FNDC3A: variants seen among roughly 807,000 people sequenced by gnomAD.
The protein encoded by FNDC3A is fibronectin type-III domain-containing protein 3A.
Under a neutral mutation model 148.9 loss-of-function variants are expected in FNDC3A, and 32 were observed. That is an observed-to-expected ratio of 0.21 (90% CI 0.16 to 0.29). The LOEUF (loss-of-function observed/expected upper bound fraction) is 0.29, where lower values mean the gene tolerates loss of function less well. Ranked by LOEUF, FNDC3A falls within the 10% of genes least tolerant of loss-of-function variation. The pLI, the probability that FNDC3A is intolerant of heterozygous loss-of-function variation, is 1.00. For missense variants in FNDC3A, 1,191 were observed against 1,452.8 expected (o/e 0.82, Z 2.93); for synonymous variants, 472 against 473.6 (o/e 1.00, Z 0.04).
intron 1 of FNDC3A, among the ~76,000 whole-genome samples, chr13:48,980,454 A>G (rs1254246975): frequency 3.3e-5 from 5 of 152,168 alleles, no homozygotes; most frequent in African/African-American, 1.2e-4. Context: ...CTGTTATGGA[A>G]CAGTCTAATA....
chr13:49,045,361 C>T (rs1566211833), intron 2 of FNDC3A: 2 of 158,694 alleles, frequency 1.3e-5, no homozygotes, highest in Non-Finnish European at 2.7e-5. Flanking sequence ...ACCATGTTGC[C>T]CAGGTTGGTC....
At chr13:49,040,640 T>A (rs895863024) in intron 2 of FNDC3A, among the ~76,000 whole-genome samples, 2 of 152,218 alleles carry the variant, frequency 1.3e-5, no homozygotes, top group Non-Finnish European at 2.9e-5. Context: ...AGAGTATGGT[T>A]ATTTGTTTCT....
At chr13:48,998,859 G>A (rs1346592855) in intron 1 of FNDC3A, among the ~76,000 whole-genome samples, 1 of 152,208 alleles carries the variant, frequency 6.6e-6, no homozygotes, top group Non-Finnish European at 1.5e-5. Flanking sequence ...GCCAGGAATA[G>A]AGACTGAATT....
intron 1 of FNDC3A, among the ~76,000 whole-genome samples, chr13:48,983,825 T>C (rs1277507287): frequency 1.3e-5 from 2 of 152,086 alleles, no homozygotes; most frequent in African/African-American, 4.8e-5. Flanking sequence ...CATTAATAGA[T>C]AGGAACACAA....
chr13:49,188,594 T>A lies in FNDC3A; in HGVS notation c.1905T>A (p.Arg635=). Residue 635 remains arginine, a synonymous_variant, in exon 17 of 26, where the codon CGT becomes CGA. Coordinates refer to ENST00000492622, the MANE Select transcript of FNDC3A (RefSeq NM_001079673.2). ...GACTGAATCCAGGCTGTTTCTATCGTTTACGAGTTTACTGCATCAGTGATG... is the reference window on the plus strand; with the variant it reads ...GACTGAATCCAGGCTGTTTCTATCGATTACGAGTTTACTGCATCAGTGATG... ...CDRLNPGCFY[R]LRVYCISDGG... The A allele has an allele frequency of 1.9e-6, 3 of 1,613,372 alleles. No homozygotes were observed. Among genetic ancestry groups the A allele is most frequent in the Non-Finnish European group, 2.5e-6 (3 of 1,179,282 alleles).
At chr13:49,024,630 A>G (rs1019035388) in intron 2 of FNDC3A, among the ~76,000 whole-genome samples, 1 of 151,982 alleles carries the variant, frequency 6.6e-6, no homozygotes, top group Non-Finnish European at 1.5e-5. Flanking sequence ...GACAAGAACC[A>G]TAAAACCTCT....
At chr13:48,975,882 C>T (rs898437967), upstream of FNDC3A, 3 of 151,310 alleles carry the variant, frequency 2.0e-5, no homozygotes, top group Non-Finnish European at 3.0e-5. Context: ...CCCGCGCAGC[C>T]GCACTCGGCG....
Position 49,198,226 on chromosome 13 carries a change from G to C in FNDC3A, c.2735G>C (p.Ser912Thr), listed in dbSNP as rs779511866. 3.7e-6 allele frequency: 6 copies of C among 1,614,048 alleles called. No homozygotes were observed. Among genetic ancestry groups the C allele is most frequent in the African/African-American group, 1.3e-5 (1 of 75,020 alleles). Residue 912 changes from serine to threonine, a missense_variant, in exon 22 of 26, where the codon AGC (serine) becomes ACC (threonine). Physicochemically the swap from Ser to Thr is moderately conservative, Grantham distance 58. Transcript: ENST00000492622. ...KQSLTVGKVTSYIINNLQPDT... is the reference protein window; with the variant it reads ...KQSLTVGKVTTYIINNLQPDT... ...TCCCTAACAGTGGGAAAGGTTACAA[G>C]CTATATTATCAACAATTTGCAACCA...
At chr13:49,082,978 A>G (rs1159077561) in intron 3 of FNDC3A, among the ~76,000 whole-genome samples, 1 of 152,146 alleles carries the variant, frequency 6.6e-6, no homozygotes, top group African/African-American at 2.4e-5. Flanking sequence ...TAGGAGTCCC[A>G]GCATGGTCAG....
chr13:49,141,620 C>CA (rs1882693562), intron 7 of FNDC3A, among the ~76,000 whole-genome samples: 1 of 152,068 alleles, frequency 6.6e-6, no homozygotes, highest in Non-Finnish European at 1.5e-5. Context: ...CAGTCTTTGT[C>CA]AAAATTCATG....
intron 2 of FNDC3A, among the ~76,000 whole-genome samples, chr13:49,039,040 ATCT>A (rs1251755408): frequency 1.3e-5 from 2 of 152,134 alleles, no homozygotes; most frequent in Non-Finnish European, 2.9e-5. Context: ...TCTGGTGCAC[ATCT>A]TCTCATCTGA....
At chr13:49,151,938 A>G (rs1234102804) in intron 8 of FNDC3A, among the ~76,000 whole-genome samples, 1 of 152,208 alleles carries the variant, frequency 6.6e-6, no homozygotes, top group Non-Finnish European at 1.5e-5. Flanking sequence ...ATAGTATTCC[A>G]TGGTGAATAT....
chr13:49,203,409 T>C (rs1209685749), intron 25 of FNDC3A, 125 bp downstream of exon 25: 20 of 639,294 alleles, frequency 3.1e-5, no homozygotes, highest in Non-Finnish European at 5.0e-5. Context: ...GTATATATTA[T>C]GTTCCAGAGA....
intron 2 of FNDC3A, among the ~76,000 whole-genome samples, chr13:49,041,396 T>C (rs1200628393): frequency 1.3e-5 from 2 of 152,222 alleles, no homozygotes; most frequent in African/African-American, 2.4e-5. Context: ...ATCCCAATTA[T>C]CTAGCACAAA....
intron 1 of FNDC3A, among the ~76,000 whole-genome samples, chr13:49,003,130 A>G (rs1055380657): frequency 9.2e-5 from 14 of 152,220 alleles, no homozygotes; most frequent in African/African-American, 1.4e-4. Context: ...CAGTGGCATG[A>G]TCTCAGCTCA....
chr13:48,977,668 A>G (rs1449664329), intron 1 of FNDC3A, among the ~76,000 whole-genome samples: 3 of 152,222 alleles, frequency 2.0e-5, no homozygotes, highest in African/African-American at 7.2e-5. Flanking sequence ...CTTTTATGAA[A>G]TATAACCTGA....
intron 1 of FNDC3A, among the ~76,000 whole-genome samples, chr13:48,996,659 G>T (rs925711356): frequency 1.3e-5 from 2 of 152,176 alleles, no homozygotes; most frequent in African/African-American, 4.8e-5. Flanking sequence ...TCAATCCCCT[G>T]TAGAAACCAA....
intron 2 of FNDC3A, chr13:49,046,362 A>G (rs899354653): frequency 6.6e-5 from 12 of 181,884 alleles, no homozygotes; most frequent in South Asian, 4.2e-4. Context: ...GAAGTCTGTT[A>G]AAACTGGATT....
chr13:49,079,907 T>G (rs924083283), intron 3 of FNDC3A, among the ~76,000 whole-genome samples: 3 of 152,124 alleles, frequency 2.0e-5, no homozygotes, highest in African/African-American at 7.2e-5. Context: ...CTCAAACTCC[T>G]GGGCTCAGGT....
Sources: allele counts gnomAD v4.1 joint callset (sites outside exome capture counted in the v4.1 genomes callset), GRCh38; gene constraint gnomAD v4.1.1; transcripts MANE v1.5; gene names NCBI Gene and HGNC (gene_info 2026-07-23, HGNC 2026-07-21).